UBLCP1: variants seen among roughly 807,000 people sequenced by gnomAD.
UBLCP1 encodes the protein ubiquitin like domain containing CTD phosphatase 1, also known as ubiquitin-like domain-containing CTD phosphatase 1.
A neutral mutation model predicts 42.4 loss-of-function variants in UBLCP1; 28 were observed. The observed-to-expected ratio is 0.66, with a 90% CI of 0.49 to 0.90. The LOEUF (loss-of-function observed/expected upper bound fraction) is 0.90. Ranked by LOEUF, UBLCP1 falls within the 40% of genes least tolerant of loss-of-function variation. The pLI is 0.00. For missense variants in UBLCP1, 279 were observed against 374.5 expected, an observed-to-expected ratio of 0.75 and a Z score of 2.10; for synonymous variants, 122 against 120.8, an observed-to-expected ratio of 1.01 and a Z score of -0.07.
chr5:159,278,569 GTTTATTTA>G (rs1211575168), intron 9 of UBLCP1, among the ~76,000 whole-genome samples: 1 of 151,986 alleles, frequency 6.6e-6, no homozygotes, highest in South Asian at 2.1e-4. Flanking sequence ...GTATTTGTTT[GTTTATTTA>G]TTTATTTATT....
At chr5:159,277,948 A>T (rs1753557950) in intron 8 of UBLCP1, among the ~76,000 whole-genome samples, 2 of 152,232 alleles carry the variant, frequency 1.3e-5, no homozygotes, top group African/African-American at 2.4e-5. Flanking sequence ...TTGGATTTTT[A>T]AAAAATTAAA....
chr5:159,274,244 G>A, intron 6 of UBLCP1: 1 of 187,782 alleles, frequency 5.3e-6, no homozygotes, highest in Non-Finnish European at 1.1e-5. Flanking sequence ...AGTGATCCAG[G>A]CACCCAAGTT....
chr5:159,266,066 G>A (rs903340798), intron 1 of UBLCP1, among the ~76,000 whole-genome samples: 7 of 152,336 alleles, frequency 4.6e-5, no homozygotes, highest in African/African-American at 9.6e-5. Flanking sequence ...AAAGATACCC[G>A]AAAACGTGGA....
intron 5 of UBLCP1, among the ~76,000 whole-genome samples, chr5:159,271,466 G>A (rs1753466798): frequency 1.3e-5 from 2 of 151,752 alleles, no homozygotes; most frequent in Admixed American, 1.3e-4. Context: ...CAAAAAAAAA[G>A]AAAGAAAAAA....
chr5:159,278,024 T>G (rs1014001248), intron 8 of UBLCP1, among the ~76,000 whole-genome samples: 7 of 152,198 alleles, frequency 4.6e-5, no homozygotes, highest in Admixed American at 6.5e-5. Flanking sequence ...TGGGTTTAGT[T>G]CAGTTGGACA....
At chr5:159,270,063 T>A in intron 3 of UBLCP1, 64 bp downstream of exon 3, 5 of 1,305,974 alleles carry the variant, frequency 3.8e-6, no homozygotes, top group Non-Finnish European at 5.3e-6. Flanking sequence ...ACTACACTGT[T>A]GTATTATAGT....
At chr5:159,280,003 A>G (rs1452820412) in intron 9 of UBLCP1, among the ~76,000 whole-genome samples, 2 of 152,112 alleles carry the variant, frequency 1.3e-5, no homozygotes, top group Non-Finnish European at 2.9e-5. Context: ...TCATCTCTTG[A>G]TGCAGGGAGA....
At chr5:159,266,020 C>T (rs527489493) in intron 1 of UBLCP1, among the ~76,000 whole-genome samples, 12 of 152,178 alleles carry the variant, frequency 7.9e-5, no homozygotes, top group South Asian at 6.2e-4. Flanking sequence ...CAGACTAATA[C>T]GGTAAATTGG....
chr5:159,279,045 A>G (rs1214632352), intron 9 of UBLCP1, among the ~76,000 whole-genome samples: 2 of 152,160 alleles, frequency 1.3e-5, no homozygotes, highest in African/African-American at 4.8e-5. Flanking sequence ...TTTCTTTTTA[A>G]ACTGAAACTA....
Position 159,284,913 on chromosome 5 carries a change from A to C in UBLCP1, c.939A>C (p.Ser313=), listed in dbSNP as rs1753652550. 1.9e-6 allele frequency: 3 copies of C among 1,613,090 alleles called. No individual in the cohort carries two copies. The highest frequency in any genetic ancestry group is 1.7e-4 in the Middle Eastern group (1 of 6,044). The change falls in exon 11 of 11, where the codon TCA becomes TCC. Residue 313 remains serine, a synonymous_variant. Coordinates refer to ENST00000296786, the MANE Select transcript of UBLCP1 (RefSeq NM_145049.5). ...ATTTTATTTCTTGCAGATATCTCTCAAAGAAGCAAGGACAGTAGTTACAAG... is the reference window on the plus strand; with the variant it reads ...ATTTTATTTCTTGCAGATATCTCTCCAAGAAGCAAGGACAGTAGTTACAAG... ...LNHKYWERYL[S]KKQGQ is the part of the protein sequence containing the mutation.
At chr5:159,267,603 G>A (rs746098953) in intron 1 of UBLCP1, among the ~76,000 whole-genome samples, 1 of 152,082 alleles carries the variant, frequency 6.6e-6, no homozygotes, top group African/African-American at 2.4e-5. Context: ...GGGCAGAATG[G>A]TACAGTTTGA....
At chr5:159,281,353 C>T (rs1324416229) in intron 9 of UBLCP1, among the ~76,000 whole-genome samples, 1 of 152,174 alleles carries the variant, frequency 6.6e-6, no homozygotes, top group Non-Finnish European at 1.5e-5. Flanking sequence ...TACCATATCA[C>T]CCAGGATTAT....
In UBLCP1 at chr5:159,268,655, G is replaced by T. The variant is rs190348297; in HGVS notation, c.-46-215G>T. ...TTGAACAGTGAGACTCAGAGTATTA[G>T]AAAGTAGTAACTCTAAGCCAAAAAT... On this transcript the variant is annotated intron_variant, in intron 1 of 10. Coordinates refer to ENST00000296786, the MANE Select transcript of UBLCP1 (RefSeq NM_145049.5). Among the ~76,000 whole-genome samples the T allele has an allele frequency of 6.2e-4, 94 of 152,300 alleles. 1 individual carries two copies. The Middle Eastern group carries it at 0.024, about 39-fold the overall frequency.
At position 159,278,294 on chromosome 5, in the gene UBLCP1, C is replaced by T. The variant is rs976358370; in HGVS notation, c.741C>T (p.Asn247=). Residue 247 remains asparagine (N), a synonymous_variant, in exon 9 of 11, where the codon AAC becomes AAT. Coordinates refer to ENST00000296786, the MANE Select transcript of UBLCP1 (RefSeq NM_145049.5). ...GKFSEFYSKK[N]TIMFDDIGRN... ...TTTCGGAGTTTTACAGCAAGAAAAACACCATTATGTTTGATGACATAGGGA... is the reference window on the plus strand; with the variant it reads ...TTTCGGAGTTTTACAGCAAGAAAAATACCATTATGTTTGATGACATAGGGA... 7 of 1,613,720 alleles carry T rather than the reference C, an allele frequency of 4.3e-6. No individual in the cohort carries two copies.
At chr5:159,280,748 A>G (rs1753598047) in intron 9 of UBLCP1, among the ~76,000 whole-genome samples, 1 of 152,228 alleles carries the variant, frequency 6.6e-6, no homozygotes, top group African/African-American at 2.4e-5. Context: ...CTTCTATTAA[A>G]CATAAGCTTG....
chr5:159,277,938 T>C (rs1413756418), intron 8 of UBLCP1, among the ~76,000 whole-genome samples: 2 of 152,202 alleles, frequency 1.3e-5, no homozygotes, highest in Admixed American at 6.5e-5. Flanking sequence ...AACAATTACT[T>C]TGGATTTTTA....
In UBLCP1 at chr5:159,269,912, A is replaced by G. The variant is rs1753442931; in HGVS notation, c.159A>G (p.Lys53=). The G allele has an allele frequency of 1.2e-6, 2 of 1,612,494 alleles. No individual in the cohort carries two copies. The highest frequency in any genetic ancestry group is 1.7e-6 in the Non-Finnish European group (2 of 1,179,266). ...AGTCATTTGCTTGTATTGTAGGCAA[A>G]CCTGCAGAAAATGATGTTAAGCTTG... ...QKLLGLKVKG[K]PAENDVKLGA... is the part of the protein sequence containing the mutation. The change falls in exon 3 of 11, where the codon AAA becomes AAG. Residue 53 remains lysine (K), a synonymous_variant. Transcript: ENST00000296786.
chr5:159,271,924 T>G (rs1037752720), intron 5 of UBLCP1, 99 bp from the exon 6 acceptor site: 5 of 774,012 alleles, frequency 6.5e-6, no homozygotes, highest in Non-Finnish European at 1.0e-5. Flanking sequence ...GAAATGTTTA[T>G]GTTTGCATTT....
chr5:159,282,418 A>C (rs1753619732), intron 9 of UBLCP1, among the ~76,000 whole-genome samples: 1 of 152,136 alleles, frequency 6.6e-6, no homozygotes, highest in African/African-American at 2.4e-5. Flanking sequence ...ATAGTCCTCT[A>C]GTCTTTTTAA....
Sources: allele counts gnomAD v4.1 joint callset (sites outside exome capture counted in the v4.1 genomes callset), GRCh38; gene constraint gnomAD v4.1.1; transcripts MANE v1.5; gene names NCBI Gene and HGNC (gene_info 2026-07-23, HGNC 2026-07-21).